SNX6: variants seen among roughly 807,000 people sequenced by gnomAD.
The protein encoded by SNX6 is sorting nexin-6.
A neutral mutation model predicts 63.0 loss-of-function variants in SNX6; 34 were observed. The ratio of observed to expected loss-of-function variants is 0.54; its 90% CI spans 0.41 to 0.72. The LOEUF (loss-of-function observed/expected upper bound fraction) is 0.72, where lower values mean the gene tolerates loss of function less well. SNX6 is among the 30% of genes least tolerant of loss of function. The pLI, the probability that SNX6 is intolerant of heterozygous loss-of-function variation, is 0.00. For synonymous variants in SNX6, 170 were observed against 164.2 expected, an observed-to-expected ratio of 1.04 and a Z score of -0.27; for missense variants, 398 against 471.4, an observed-to-expected ratio of 0.84 and a Z score of 1.44.
At chr14:34,566,742 A>G (rs887137909) in intron 13 of SNX6, among the ~76,000 whole-genome samples, 10 of 152,308 alleles carry the variant, frequency 6.6e-5, no homozygotes, top group South Asian at 4.1e-4. Flanking sequence ...AACTACAAGA[A>G]GAGGCTTAAT....
chr14:34,620,254 C>A (rs1225625992), intron 2 of SNX6, among the ~76,000 whole-genome samples: 2 of 152,200 alleles, frequency 1.3e-5, no homozygotes, highest in Non-Finnish European at 2.9e-5. Context: ...CCTCCTCCAG[C>A]CCAGAGAAAT....
chr14:34,573,557 A>G (rs2138273110), intron 11 of SNX6, among the ~76,000 whole-genome samples: 1 of 151,756 alleles, frequency 6.6e-6, no homozygotes, highest in South Asian at 2.1e-4. Flanking sequence ...CCTGGGCAAC[A>G]GGGCGAGACT....
intron 2 of SNX6, among the ~76,000 whole-genome samples, chr14:34,618,778 T>A (rs536580101): frequency 4.0e-4 from 61 of 152,216 alleles, no homozygotes; most frequent in African/African-American, 1.4e-3. Flanking sequence ...TCCTTAAGTC[T>A]TCCTCAGGAA....
At chr14:34,622,581 A>G (rs1008953157) in intron 2 of SNX6, among the ~76,000 whole-genome samples, 3 of 151,720 alleles carry the variant, frequency 2.0e-5, no homozygotes, top group African/African-American at 7.3e-5. Context: ...AAAAAAAAAA[A>G]AAAAAAAAGA....
chr14:34,607,446 A>G (rs1455135040), intron 4 of SNX6, among the ~76,000 whole-genome samples: 3 of 151,738 alleles, frequency 2.0e-5, no homozygotes, highest in Non-Finnish European at 4.4e-5. Context: ...GTCTCTACTT[A>G]AAAAACAAAA....
intron 13 of SNX6, among the ~76,000 whole-genome samples, chr14:34,565,592 C>T (rs898709691): frequency 5.3e-5 from 8 of 152,146 alleles, no homozygotes; most frequent in African/African-American, 1.9e-4. Context: ...TCTTGGCTCA[C>T]GGCAACCTCC....
At chr14:34,596,436 T>C (rs1468347995) in intron 7 of SNX6, among the ~76,000 whole-genome samples, 2 of 151,296 alleles carry the variant, frequency 1.3e-5, no homozygotes, top group African/African-American at 4.8e-5. Context: ...CTGGCCAACA[T>C]GGTGAAACCC....
chr14:34,580,203 C>CAAAA, intron 10 of SNX6, among the ~76,000 whole-genome samples: 1 of 152,126 alleles, frequency 6.6e-6, no homozygotes. Context: ...AACAAACAAA[C>CAAAA]AAAAAACAAA....
At chr14:34,628,835 G>C (rs537057959) in intron 2 of SNX6, among the ~76,000 whole-genome samples, 1 of 152,222 alleles carries the variant, frequency 6.6e-6, no homozygotes, top group East Asian at 1.9e-4. Flanking sequence ...AAGGAACCAT[G>C]GAACCTTGCT....
At chr14:34,563,731 T>C (rs776418413) in intron 13 of SNX6, among the ~76,000 whole-genome samples, 72 of 82,192 alleles carry the variant, frequency 8.8e-4, no homozygotes, top group African/African-American at 2.7e-3. Context: ...GATTCTTCAG[T>C]AAATTTTTTT....
At chr14:34,604,872 A>T (rs2138346573) in intron 5 of SNX6, among the ~76,000 whole-genome samples, 1 of 142,274 alleles carries the variant, frequency 7.0e-6, no homozygotes, top group Non-Finnish European at 1.6e-5. Flanking sequence ...AAAAAAAATT[A>T]AAATCCAAAA....
chr14:34,608,453 G>A lies in SNX6; in HGVS notation c.160-313C>T, dbSNP rs141002693. Among the ~76,000 whole-genome samples, 836 of 152,278 alleles carry A rather than the reference G, an allele frequency of 5.5e-3. 1 individual carries two copies. The highest frequency in any genetic ancestry group is 9.6e-3 in the Non-Finnish European group (653 of 68,024). On this transcript the variant is annotated intron_variant, in intron 3 of 13. Transcript: ENST00000362031. The stretch of plus-strand genomic sequence containing the variant: ...GTTGGGATTACAGGTATGAGCCACT[G>A]TGTCTGGCCTTAAAAAGTTTTTAAT...
At chr14:34,580,506 T>C (rs114946846) in intron 10 of SNX6, among the ~76,000 whole-genome samples, 3,183 of 152,032 alleles carry the variant, frequency 0.021, 107 homozygotes, top group African/African-American at 0.069. Context: ...TCTTGCTACA[T>C]TGCCCAAGCT....
At chr14:34,605,471 C>T in intron 5 of SNX6, 125 bp downstream of exon 5, 1 of 723,152 alleles carries the variant, frequency 1.4e-6, no homozygotes, top group South Asian at 2.1e-5. Flanking sequence ...CTTAAACCTG[C>T]ATCTTCCAGA....
rs573068937 is a variant in SNX6, at chr14:34,625,121, T to C, written c.54+4786A>G. On this transcript the variant is annotated intron_variant, in intron 2 of 13. Transcript: ENST00000362031. Reference sequence around the variant, plus strand: ...TAGCAGGGACAGGGTTTCACTATGTTGGTCAGGCTGGTCTCGAACTCCCGA... The same window carrying C: ...TAGCAGGGACAGGGTTTCACTATGTCGGTCAGGCTGGTCTCGAACTCCCGA... Among the ~76,000 whole-genome samples the C allele has an allele frequency of 3.0e-3, 454 of 152,150 alleles. 3 individuals carry two copies. Among genetic ancestry groups the C allele is most frequent in the African/African-American group, 9.7e-3 (401 of 41,548 alleles).
intron 2 of SNX6, among the ~76,000 whole-genome samples, chr14:34,623,296 G>GCA (rs1883697532): frequency 6.6e-6 from 1 of 152,100 alleles, no homozygotes; most frequent in African/African-American, 2.4e-5. Flanking sequence ...TGAAATGCAT[G>GCA]CATAAAACAG....
chr14:34,607,292 T>C (rs10220690), intron 4 of SNX6, among the ~76,000 whole-genome samples: 122,593 of 152,000 alleles, frequency 0.81, 49,856 homozygotes, highest in Non-Finnish European at 0.85. Context: ...GAGTGCGGCG[T>C]TTCATAACTG....
At chr14:34,593,175 ACTT>A in intron 7 of SNX6, 25 bp from the exon 8 acceptor site, 1 of 1,417,748 alleles carries the variant, frequency 7.1e-7, no homozygotes, top group African/African-American at 1.4e-5. Context: ...GAAAATATAA[ACTT>A]TTTTCACTTA....
intron 11 of SNX6, among the ~76,000 whole-genome samples, chr14:34,570,068 T>A (rs557892422): frequency 4.6e-5 from 7 of 152,158 alleles, no homozygotes; most frequent in Non-Finnish European, 8.8e-5. Flanking sequence ...TGGGGTTTTT[T>A]TTTTTGTTTC....
Sources: allele counts gnomAD v4.1 joint callset (sites outside exome capture counted in the v4.1 genomes callset), GRCh38; gene constraint gnomAD v4.1.1; transcripts MANE v1.5; gene names NCBI Gene and HGNC (gene_info 2026-07-23, HGNC 2026-07-21).